TMCO1: variants seen among roughly 807,000 people sequenced by gnomAD.
TMCO1 encodes the protein transmembrane and coiled-coil domains 1, also known as calcium load-activated calcium channel.
In TMCO1, 29 loss-of-function variants were observed where a neutral mutation model predicts 29.3. The observed-to-expected ratio is 0.99, with a 90% CI of 0.74 to 1.35. The LOEUF is 1.35. TMCO1 is among the 40% of genes most tolerant of loss of function. The pLI, the probability that TMCO1 is intolerant of heterozygous loss-of-function variation, is 0.00. For synonymous variants in TMCO1, 80 were observed against 77.1 expected, an observed-to-expected ratio of 1.04 and a Z score of -0.20; for missense variants, 173 against 225.5, an observed-to-expected ratio of 0.77 and a Z score of 1.49.
At chr1:165,751,064 G>C (rs963042608) in intron 5 of TMCO1, among the ~76,000 whole-genome samples, 8 of 152,112 alleles carry the variant, frequency 5.3e-5, no homozygotes, top group Admixed American at 2.0e-4. Flanking sequence ...GAGAGACTCT[G>C]TCCCGAACAA....
chr1:165,730,545 C>T (rs1396540997), intron 6 of TMCO1, among the ~76,000 whole-genome samples: 1 of 152,120 alleles, frequency 6.6e-6, no homozygotes, highest in African/African-American at 2.4e-5. Context: ...AAAAATCAAT[C>T]GTTAGTACAT....
chr1:165,750,636 T>C (rs1249096707), intron 5 of TMCO1, among the ~76,000 whole-genome samples: 1 of 151,532 alleles, frequency 6.6e-6, no homozygotes, highest in African/African-American at 2.4e-5. Flanking sequence ...TTAATACATA[T>C]ATCATGTTTT....
At chr1:165,729,276 T>C (rs1317710194) in intron 6 of TMCO1, among the ~76,000 whole-genome samples, 5 of 151,922 alleles carry the variant, frequency 3.3e-5, no homozygotes, top group Non-Finnish European at 5.9e-5. Context: ...CTCACTTTTA[T>C]ACTTTTATTC....
downstream of TMCO1, chr1:165,725,231 A>G: frequency 2.2e-6 from 1 of 453,922 alleles, no homozygotes; most frequent in Admixed American, 2.4e-5. Context: ...AAATAGTCTG[A>G]AAAAAACCTA....
At chr1:165,737,907 T>G (rs1651452195) in intron 6 of TMCO1, among the ~76,000 whole-genome samples, 1 of 152,260 alleles carries the variant, frequency 6.6e-6, no homozygotes, top group South Asian at 2.1e-4. Flanking sequence ...GCAATCCTTC[T>G]CAGTGACAAG....
intron 6 of TMCO1, among the ~76,000 whole-genome samples, chr1:165,738,601 A>G (rs1220505624): frequency 6.6e-6 from 1 of 152,268 alleles, no homozygotes; most frequent in Admixed American, 6.5e-5. Flanking sequence ...AATGCTGTTA[A>G]GGCATTTCAG....
At chr1:165,746,410 C>T (rs1651798756) in intron 5 of TMCO1, among the ~76,000 whole-genome samples, 2 of 148,154 alleles carry the variant, frequency 1.3e-5, no homozygotes, top group Non-Finnish European at 3.0e-5. Flanking sequence ...CTTGAAGATA[C>T]TCTACTTGAC....
At chr1:165,757,515 C>T (rs55869604) in intron 3 of TMCO1, among the ~76,000 whole-genome samples, 2,092 of 151,796 alleles carry the variant, frequency 0.014, 52 homozygotes, top group African/African-American at 0.047. Context: ...TCCTTTTTTG[C>T]GACAAAGTTT....
chr1:165,768,758 C>T lies in TMCO1; in HGVS notation c.-7G>A. On this transcript the variant is annotated 5_prime_UTR_variant, in exon 1 of 7. The change creates a new upstream start codon in the 5' untranslated region. Coordinates refer to ENST00000367881, the MANE Select transcript of TMCO1 (RefSeq NM_019026.6). ...CCGCGAACATAGTGCTCATCTCGCA[C>T]CTTCGTCTCTGCACTCTCACCCGCC... 1 of 1,614,130 alleles carries T rather than the reference C, an allele frequency of 6.2e-7. No individual in the cohort carries two copies.
intron 6 of TMCO1, among the ~76,000 whole-genome samples, chr1:165,731,158 C>G (rs1436110938): frequency 6.6e-6 from 1 of 152,144 alleles, no homozygotes; most frequent in Non-Finnish European, 1.5e-5. Flanking sequence ...CTCAGCCTCC[C>G]AAAGTGCTGG....
At chr1:165,751,284 C>T (rs1473682598) in intron 5 of TMCO1, among the ~76,000 whole-genome samples, 1 of 152,114 alleles carries the variant, frequency 6.6e-6, no homozygotes, top group Non-Finnish European at 1.5e-5. Context: ...TAGTAAGCAA[C>T]TGAAAAAGAG....
chr1:165,738,399 T>C (rs1651467115), intron 6 of TMCO1, among the ~76,000 whole-genome samples: 1 of 152,234 alleles, frequency 6.6e-6, no homozygotes, highest in South Asian at 2.1e-4. Context: ...GTTTCTGAAA[T>C]CCTCATATTC....
chr1:165,729,103 TAA>T lies in TMCO1; in HGVS notation c.469-984_469-983del, dbSNP rs553390393. Among the ~76,000 whole-genome samples, 758 of 76,376 alleles carry T rather than the reference TAA, an allele frequency of 9.9e-3. 8 individuals are homozygous for T. The highest frequency in any genetic ancestry group is 0.031 in the African/African-American group (608 of 19,418). 50.1% of individuals were successfully genotyped at this position (76,376 alleles called of 152,430 possible). The stretch of plus-strand genomic sequence containing the variant: ...CTGGGCAACAGAGTGAGATTCTGTC[TAA>T]AAAAAAAAAAAAAAAAAAAAAACCA... On this transcript the variant is annotated intron_variant, in intron 6 of 6. Coordinates refer to ENST00000367881, the MANE Select transcript of TMCO1 (RefSeq NM_019026.6).
chr1:165,768,052 C>A, intron 2 of TMCO1, 140 bp downstream of exon 2: 1 of 756,002 alleles, frequency 1.3e-6, no homozygotes, highest in Non-Finnish European at 2.3e-6. Context: ...ACACATTTTG[C>A]ATAAAAGTCT....
intron 6 of TMCO1, among the ~76,000 whole-genome samples, chr1:165,736,631 G>GA (rs1651398552): frequency 6.7e-6 from 1 of 149,756 alleles, no homozygotes; most frequent in Admixed American, 6.7e-5. Context: ...TGAGACAGGA[G>GA]AATCACTTGA....
Position 165,726,950 on chromosome 1 carries a change from T to G in TMCO1, c.*1073A>C, listed in dbSNP as rs1296433380. The G allele has an allele frequency of 2.2e-6, 1 of 454,088 alleles. No homozygotes were observed. The highest frequency in any genetic ancestry group is 4.4e-6 in the Non-Finnish European group (1 of 226,766). The allele number at this position is 454,088 out of a possible 1,614,324, so 28.1% of individuals were successfully genotyped here. A position where few individuals can be genotyped will look rare whatever the true frequency, so the allele number is the denominator to read the frequency against. On this transcript the variant is annotated 3_prime_UTR_variant, in exon 7 of 7. Transcript: ENST00000367881. Reference sequence around the variant, plus strand: ...AAGAAGTTTGCTGTTGGTTTAACAATGATTACCTTGAAAATTATGTGTTTT... The same window carrying G: ...AAGAAGTTTGCTGTTGGTTTAACAAGGATTACCTTGAAAATTATGTGTTTT...
chr1:165,739,212 G>T (rs923245810), intron 6 of TMCO1, among the ~76,000 whole-genome samples: 1 of 151,956 alleles, frequency 6.6e-6, no homozygotes, highest in Non-Finnish European at 1.5e-5. Flanking sequence ...AGCATATACC[G>T]TACACTTCAG....
rs1558026030 is a variant in TMCO1 at position 165,726,873 on chromosome 1, C to G, written c.*1150G>C. The G allele has an allele frequency of 2.2e-6, 1 of 454,002 alleles. No homozygotes were observed. The highest frequency in any genetic ancestry group is 4.4e-6 in the Non-Finnish European group (1 of 226,744). The allele number at this position is 454,002 out of a possible 1,614,324, so 28.1% of individuals were successfully genotyped here. On this transcript the variant is annotated 3_prime_UTR_variant, in exon 7 of 7. Transcript: ENST00000367881. ...CTAAGTTGATACTTATTTTCCTCAG[C>G]ACTTTGAAGATACTTTTCTACTGTC...
Position 165,768,204 on chromosome 1 carries a change from G to C in TMCO1, c.136C>G (p.Gln46Glu). 6.2e-7 allele frequency: 1 copy of C among 1,613,780 alleles called. No homozygotes were observed. The highest frequency in any genetic ancestry group is 8.5e-7 in the Non-Finnish European group (1 of 1,179,814). Residue 46 changes from glutamine to glutamate, a missense_variant, in exon 2 of 7, where the codon CAG becomes GAG. Coordinates refer to ENST00000367881, the MANE Select transcript of TMCO1 (RefSeq NM_019026.6). ...TTGCCATACTCACATTTTTTACTCTGTTTTTCCACTTCTGCCTTCAGTCTC... is the reference window on the plus strand; with the variant it reads ...TTGCCATACTCACATTTTTTACTCTCTTTTTCCACTTCTGCCTTCAGTCTC... ...YKRLKAEVEKQSKKLEKKKET... is the reference protein window; with the variant it reads ...YKRLKAEVEKESKKLEKKKET...
Sources: gnomAD v4.1 joint callset for allele counts (sites outside exome capture counted in the v4.1 genomes callset) on GRCh38, gnomAD v4.1.1 for gene constraint, MANE v1.5 for transcripts, NCBI Gene and HGNC (gene_info 2026-07-23, HGNC 2026-07-21) for gene names.